The following CHCHD6 variants were observed in gnomAD, a reference collection of about 807,000 sequenced individuals.
CHCHD6 encodes coiled-coil-helix-coiled-coil-helix domain containing 6.
CHCHD6 carries 28 observed loss-of-function variants against 32.3 expected under a neutral mutation model. The ratio of observed to expected loss-of-function variants is 0.87; its 90% CI spans 0.64 to 1.19. The LOEUF is 1.19. CHCHD6 is among the 50% of genes most tolerant of loss of function. The pLI is 0.00. For synonymous variants in CHCHD6, 122 were observed against 117.5 expected, an observed-to-expected ratio of 1.04 and a Z score of -0.25; for missense variants, 333 against 307.0, an observed-to-expected ratio of 1.08 and a Z score of -0.63.
chr3:126,767,496 GTT>G, intron 4 of CHCHD6: 1 of 562,134 alleles, frequency 1.8e-6, no homozygotes, highest in Non-Finnish European at 3.3e-6. Context: ...TCCCATGCCT[GTT>G]AGGTGCTCTC....
chr3:126,706,842 T>C (rs1252318276), intron 1 of CHCHD6, among the ~76,000 whole-genome samples: 4 of 152,142 alleles, frequency 2.6e-5, no homozygotes, highest in African/African-American at 9.7e-5. Context: ...AACAAATCAG[T>C]TCATTTAATG....
chr3:126,832,991 G>T (rs1940702865), intron 4 of CHCHD6, among the ~76,000 whole-genome samples: 1 of 152,212 alleles, frequency 6.6e-6, no homozygotes, highest in Non-Finnish European at 1.5e-5. Flanking sequence ...CTCGTATTGT[G>T]CTAGATGCTC....
chr3:126,765,301 C>T (rs541277870), intron 4 of CHCHD6, among the ~76,000 whole-genome samples: 2 of 152,178 alleles, frequency 1.3e-5, no homozygotes, highest in Admixed American at 6.5e-5. Flanking sequence ...CTAGCCAGAG[C>T]TGTCGCCTCT....
intron 4 of CHCHD6, among the ~76,000 whole-genome samples, chr3:126,849,349 T>C (rs909163817): frequency 2.0e-5 from 3 of 152,192 alleles, no homozygotes; most frequent in Non-Finnish European, 4.4e-5. Flanking sequence ...TGCATTTCTG[T>C]TTGGTATTGG....
chr3:126,787,048 G>A (rs376967183), intron 4 of CHCHD6, among the ~76,000 whole-genome samples: 12 of 152,200 alleles, frequency 7.9e-5, no homozygotes, highest in Non-Finnish European at 1.5e-4. Context: ...CATATGGCTA[G>A]CCAGTTTTCC....
intron 4 of CHCHD6, among the ~76,000 whole-genome samples, chr3:126,737,902 T>C (rs1936119985): frequency 6.6e-6 from 1 of 152,106 alleles, no homozygotes; most frequent in African/African-American, 2.4e-5. Flanking sequence ...TGGGGAGCTC[T>C]GTGGAATGGT....
intron 5 of CHCHD6, among the ~76,000 whole-genome samples, chr3:126,870,621 C>T (rs1431012258): frequency 1.3e-5 from 2 of 152,220 alleles, no homozygotes; most frequent in African/African-American, 4.8e-5. Context: ...GCGTGGCTCC[C>T]TCGGGCCACC....
intron 5 of CHCHD6, among the ~76,000 whole-genome samples, chr3:126,884,034 G>A (rs1052806734): frequency 5.3e-5 from 8 of 151,550 alleles, no homozygotes; most frequent in Admixed American, 2.6e-4. Flanking sequence ...CATTTTTGGG[G>A]AGTAAAATAC....
intron 4 of CHCHD6, among the ~76,000 whole-genome samples, chr3:126,747,501 G>A (rs1345072205): frequency 1.3e-5 from 2 of 152,168 alleles, no homozygotes; most frequent in African/African-American, 4.8e-5. Context: ...TTCTTAGTGA[G>A]GCTAAAGGTG....
At chr3:126,772,713 G>T (rs995194513) in intron 4 of CHCHD6, among the ~76,000 whole-genome samples, 1 of 152,152 alleles carries the variant, frequency 6.6e-6, no homozygotes, top group Non-Finnish European at 1.5e-5. Context: ...TTTCAATGGG[G>T]TATTTAGCCC....
chr3:126,907,789 C>CCCTGGGCAGCAGGAT (rs1269065784), intron 5 of CHCHD6, among the ~76,000 whole-genome samples: 1 of 152,202 alleles, frequency 6.6e-6, no homozygotes, highest in Non-Finnish European at 1.5e-5. Context: ...CTCTCCCCTG[C>CCCTGGGCAGCAGGAT]CCTGGGCAGC....
chr3:126,877,282 G>C (rs938850666), intron 5 of CHCHD6, among the ~76,000 whole-genome samples: 2 of 152,124 alleles, frequency 1.3e-5, no homozygotes, highest in Admixed American at 6.6e-5. Context: ...ACGGCCGGGC[G>C]TGGTGGCTCG....
chr3:126,864,564 T>TCTCCAC (rs1942165557), intron 5 of CHCHD6, among the ~76,000 whole-genome samples: 1 of 67,922 alleles, frequency 1.5e-5, no homozygotes, highest in Non-Finnish European at 3.2e-5. Flanking sequence ...TCCTCCTCCT[T>TCTCCAC]CTCCACCACC....
At chr3:126,898,095 G>C (rs903105843) in intron 5 of CHCHD6, among the ~76,000 whole-genome samples, 6 of 152,184 alleles carry the variant, frequency 3.9e-5, no homozygotes, top group African/African-American at 1.4e-4. Context: ...CACAGGCTTG[G>C]GCAGCTGTGG....
intron 4 of CHCHD6, among the ~76,000 whole-genome samples, chr3:126,830,317 G>C (rs943676305): frequency 6.6e-6 from 1 of 152,182 alleles, no homozygotes; most frequent in Admixed American, 6.5e-5. Context: ...CTAAAAGGAG[G>C]CCTCTGGATC....
chr3:126,791,741 C>T (rs1240153523), intron 4 of CHCHD6, among the ~76,000 whole-genome samples: 1 of 152,242 alleles, frequency 6.6e-6, no homozygotes, highest in Non-Finnish European at 1.5e-5. Flanking sequence ...TCCCAAGTAG[C>T]TGGGATTACA....
intron 4 of CHCHD6, among the ~76,000 whole-genome samples, chr3:126,765,399 A>C (rs1340599849): frequency 6.6e-6 from 1 of 152,188 alleles, no homozygotes; most frequent in Non-Finnish European, 1.5e-5. Context: ...CTTGACGGGG[A>C]CACTGGTGGC....
chr3:126,716,131 C>A (rs1935004259), intron 1 of CHCHD6, among the ~76,000 whole-genome samples: 1 of 152,212 alleles, frequency 6.6e-6, no homozygotes, highest in African/African-American at 2.4e-5. Context: ...AGACTGACCA[C>A]ATCCCTGCTT....
At chr3:126,704,446 C>A in intron 1 of CHCHD6, 47 bp downstream of exon 1, 5 of 1,172,632 alleles carry the variant, frequency 4.3e-6, no homozygotes, top group Non-Finnish European at 5.7e-6. Flanking sequence ...GCCGCGGGCG[C>A]GGGGGGGAGG....
Sources: gnomAD v4.1 joint callset for allele counts (sites outside exome capture counted in the v4.1 genomes callset) on GRCh38, gnomAD v4.1.1 for gene constraint, MANE v1.5 for transcripts, NCBI Gene and HGNC (gene_info 2026-07-23, HGNC 2026-07-21) for gene names.